The following GMDS variants were observed in gnomAD, a reference collection of about 807,000 sequenced individuals.
The protein encoded by GMDS is GDP-mannose 4,6 dehydratase.
Under a neutral mutation model 49.9 loss-of-function variants are expected in GMDS, and 20 were observed. That is an observed-to-expected ratio of 0.40 (90% CI 0.28 to 0.58). GMDS has a LOEUF of 0.58. Ranked by LOEUF, GMDS falls within the 20% of genes least tolerant of loss-of-function variation. The probability of loss-of-function intolerance (pLI) is 0.42; values close to 1 mark genes in which losing one functional copy is unlikely to be tolerated. For missense variants in GMDS, 362 were observed against 481.4 expected (o/e 0.75, Z 2.32); for synonymous variants, 177 against 178.6 (o/e 0.99, Z 0.07).
intron 4 of GMDS, among the ~76,000 whole-genome samples, chr6:2,012,474 C>T (rs1042062144): frequency 6.6e-6 from 1 of 151,996 alleles, no homozygotes; most frequent in Non-Finnish European, 1.5e-5. Context: ...GAAAAGAAAG[C>T]TGGGTGGTTT....
chr6:1,818,343 C>G (rs1003974767), intron 7 of GMDS, among the ~76,000 whole-genome samples: 1 of 152,200 alleles, frequency 6.6e-6, no homozygotes, highest in African/African-American at 2.4e-5. Context: ...TGCAGTGGCT[C>G]ATGCCTGTAA....
At chr6:2,069,268 A>C in intron 4 of GMDS, among the ~76,000 whole-genome samples, 1 of 152,246 alleles carries the variant, frequency 6.6e-6, no homozygotes, top group Non-Finnish European at 1.5e-5. Context: ...AAATCAATTC[A>C]AGATGGATTA....
chr6:1,984,202 A>G lies in GMDS; in HGVS notation c.346-23236T>C, dbSNP rs1225452223. On this transcript the variant is annotated intron_variant, in intron 4 of 10. Transcript: ENST00000380815. Reference sequence around the variant, plus strand: ...ATATGGACACACTGCAGGGACTAACACACACTGGGGCCTGTCAGAGGGTGG... The same window carrying G: ...ATATGGACACACTGCAGGGACTAACGCACACTGGGGCCTGTCAGAGGGTGG... Among the ~76,000 whole-genome samples the G allele has an allele frequency of 2.6e-5, 4 of 152,112 alleles. No homozygotes were observed. In the East Asian group the frequency reaches 7.7e-4, roughly 29 times the overall value.
intron 4 of GMDS, among the ~76,000 whole-genome samples, chr6:2,069,777 G>A (rs62390738): frequency 0.23 from 34,945 of 151,480 alleles, 4,289 homozygotes; most frequent in South Asian, 0.29. Flanking sequence ...AACAGGTGCT[G>A]GAGAGGATGT....
At chr6:2,027,364 CTTAA>C (rs1480933064) in intron 4 of GMDS, among the ~76,000 whole-genome samples, 2 of 152,146 alleles carry the variant, frequency 1.3e-5, no homozygotes, top group African/African-American at 2.4e-5. Flanking sequence ...CAACCCAGGG[CTTAA>C]TTAATATTTT....
rs748733216 is a variant in GMDS, at chr6:1,945,590, T to G, written c.643+14277A>C. Among the ~76,000 whole-genome samples the G allele has an allele frequency of 2.6e-5, 4 of 152,242 alleles. No homozygotes were observed. The South Asian group carries it at 6.2e-4, about 24-fold the overall frequency. ...ACGGTTACAGAGGCCCTTGATAGAT[T>G]TGCATGACAGTAATGTCTGTGAACC... On this transcript the variant is annotated intron_variant, in intron 6 of 10. Coordinates refer to ENST00000380815, the MANE Select transcript of GMDS (RefSeq NM_001500.4).
chr6:2,238,173 G>C (rs1018394682), intron 1 of GMDS, among the ~76,000 whole-genome samples: 2 of 151,352 alleles, frequency 1.3e-5, no homozygotes, highest in Non-Finnish European at 2.9e-5. Context: ...GATTGCTTGA[G>C]GCCAGGAGTT....
At chr6:2,035,774 C>A (rs1164017862) in intron 4 of GMDS, among the ~76,000 whole-genome samples, 2 of 152,054 alleles carry the variant, frequency 1.3e-5, no homozygotes, top group Non-Finnish European at 2.9e-5. Flanking sequence ...GCAACCTCTA[C>A]CTCCCAAGTT....
chr6:1,671,461 CT>C (rs1277201675), intron 9 of GMDS, among the ~76,000 whole-genome samples: 1 of 152,050 alleles, frequency 6.6e-6, no homozygotes, highest in African/African-American at 2.4e-5. Flanking sequence ...CCACAAAAGG[CT>C]ACTCTACTAA....
chr6:1,833,012 G>A lies in GMDS; in HGVS notation c.772-90426C>T, dbSNP rs937296052. Among the ~76,000 whole-genome samples, 3 of 151,962 alleles carry A rather than the reference G, an allele frequency of 2.0e-5. No homozygotes were observed. Among genetic ancestry groups the A allele is most frequent in the Non-Finnish European group, 4.4e-5 (3 of 68,016 alleles). ...CTGAAGATCATTAGTAGCACTGAGTGCAACCACTGTCAGTTTTGTGGGGTT... is the reference window on the plus strand; with the variant it reads ...CTGAAGATCATTAGTAGCACTGAGTACAACCACTGTCAGTTTTGTGGGGTT... On this transcript the variant is annotated intron_variant, in intron 7 of 10. Coordinates refer to ENST00000380815, the MANE Select transcript of GMDS (RefSeq NM_001500.4). The surrounding 1 kb of genome is among the most constrained non-coding windows in gnomAD (Gnocchi z 4.4).
At chr6:1,907,672 A>C (rs1279011527) in intron 7 of GMDS, among the ~76,000 whole-genome samples, 1 of 152,232 alleles carries the variant, frequency 6.6e-6, no homozygotes, top group Non-Finnish European at 1.5e-5. Context: ...TCAGTCGGAC[A>C]CAGAGCAAGC....
At chr6:2,209,789 C>T (rs528797694) in intron 1 of GMDS, among the ~76,000 whole-genome samples, 21 of 152,028 alleles carry the variant, frequency 1.4e-4, no homozygotes, top group Non-Finnish European at 2.4e-4. Flanking sequence ...GGTTCTAATA[C>T]GATTTACCAC....
At chr6:2,085,855 C>T (rs1468544652) in intron 4 of GMDS, among the ~76,000 whole-genome samples, 1 of 152,172 alleles carries the variant, frequency 6.6e-6, no homozygotes, top group Non-Finnish European at 1.5e-5. Flanking sequence ...TTACTAAAGT[C>T]AGGCATACCT....
intron 2 of GMDS, among the ~76,000 whole-genome samples, chr6:2,120,518 A>C (rs1401499185): frequency 6.6e-6 from 1 of 152,198 alleles, no homozygotes; most frequent in Admixed American, 6.5e-5. Flanking sequence ...ACTTCATGTC[A>C]CAATTTACCT....
intron 7 of GMDS, among the ~76,000 whole-genome samples, chr6:1,809,946 A>G (rs1050220281): frequency 6.6e-6 from 1 of 152,198 alleles, no homozygotes; most frequent in African/African-American, 2.4e-5. Context: ...AGACACTGGT[A>G]TCAAGTGTCA....
intron 4 of GMDS, among the ~76,000 whole-genome samples, chr6:2,114,012 C>A (rs545380377): frequency 5.9e-5 from 9 of 152,242 alleles, no homozygotes; most frequent in Non-Finnish European, 1.3e-4. Flanking sequence ...TACAACCACA[C>A]CAGAACGATA....
At chr6:1,714,284 C>T (rs1766092570) in intron 9 of GMDS, among the ~76,000 whole-genome samples, 1 of 152,124 alleles carries the variant, frequency 6.6e-6, no homozygotes, top group Admixed American at 6.5e-5. Context: ...TCCTAAAGTG[C>T]TGGGATTACA....
chr6:1,896,296 T>C (rs1051824268), intron 7 of GMDS, among the ~76,000 whole-genome samples: 2 of 152,194 alleles, frequency 1.3e-5, no homozygotes, highest in Non-Finnish European at 2.9e-5. Flanking sequence ...GGGGGCAAGA[T>C]TGCTGCCTTT....
chr6:2,039,120 C>T (rs2449975), intron 4 of GMDS, among the ~76,000 whole-genome samples: 1 of 152,136 alleles, frequency 6.6e-6, no homozygotes, highest in Non-Finnish European at 1.5e-5. Flanking sequence ...GGCTGCTGTA[C>T]TGAATACTGT....
Sources: gnomAD v4.1 joint callset for allele counts (sites outside exome capture counted in the v4.1 genomes callset) on GRCh38, gnomAD v4.1.1 for gene constraint, Gnocchi (gnomAD v3.1) non-coding constraint, MANE v1.5 for transcripts, NCBI Gene and HGNC (gene_info 2026-07-23, HGNC 2026-07-21) for gene names.